CTIF: variants seen among roughly 807,000 people sequenced by gnomAD.
The protein encoded by CTIF is cap binding complex dependent translation initiation factor, also known as CBP80/20-dependent translation initiation factor.
Under a neutral mutation model 66.0 loss-of-function variants are expected in CTIF, and 21 were observed. That is an observed-to-expected ratio of 0.32 (90% CI 0.23 to 0.46). The LOEUF is 0.46. CTIF is among the 20% of genes least tolerant of loss of function. The probability of loss-of-function intolerance (pLI) is 1.00; values close to 1 mark genes in which losing one functional copy is unlikely to be tolerated. For missense variants in CTIF, 739 were observed against 812.7 expected (o/e 0.91, Z 1.10); for synonymous variants, 345 against 326.4 (o/e 1.06, Z -0.62).
At chr18:48,588,378 C>T (rs1447804182) in intron 1 of CTIF, among the ~76,000 whole-genome samples, 1 of 152,228 alleles carries the variant, frequency 6.6e-6, no homozygotes. Flanking sequence ...CTCAGGTGGC[C>T]CTGCCTGGCA....
At chr18:48,578,855 ATC>A (rs1568045477) in intron 1 of CTIF, among the ~76,000 whole-genome samples, 2 of 152,152 alleles carry the variant, frequency 1.3e-5, no homozygotes, top group Non-Finnish European at 2.9e-5. Context: ...AGTGCAATTT[ATC>A]TCTTTTACTT....
chr18:48,587,587 T>C (rs2089799927), intron 1 of CTIF, among the ~76,000 whole-genome samples: 1 of 152,158 alleles, frequency 6.6e-6, no homozygotes, highest in African/African-American at 2.4e-5. Context: ...CCTGGCTGTG[T>C]TACTAATGCA....
intron 7 of CTIF, among the ~76,000 whole-genome samples, chr18:48,724,706 G>A (rs965974766): frequency 6.6e-6 from 1 of 152,222 alleles, no homozygotes; most frequent in African/African-American, 2.4e-5. Context: ...CCTGAAGCAG[G>A]TGCGGCCACT....
At chr18:48,586,276 CTTTT>C (rs545720420) in intron 1 of CTIF, among the ~76,000 whole-genome samples, 2 of 138,472 alleles carry the variant, frequency 1.4e-5, no homozygotes. Flanking sequence ...CACACTTTTA[CTTTT>C]TTTTTTTTTT....
intron 7 of CTIF, among the ~76,000 whole-genome samples, chr18:48,732,611 G>T (rs2092466337): frequency 1.3e-5 from 2 of 152,196 alleles, no homozygotes; most frequent in Admixed American, 1.3e-4. Context: ...GTAAGAAGAG[G>T]TCTCTTTCTT....
At chr18:48,653,859 A>G (rs1362945108) in intron 3 of CTIF, among the ~76,000 whole-genome samples, 1 of 152,204 alleles carries the variant, frequency 6.6e-6, no homozygotes, top group Non-Finnish European at 1.5e-5. Flanking sequence ...AAACCTGACA[A>G]AAACAGGAAA....
chr18:48,730,193 G>A (rs576092311), intron 7 of CTIF, among the ~76,000 whole-genome samples: 5 of 149,616 alleles, frequency 3.3e-5, no homozygotes, highest in Admixed American at 6.6e-5. Context: ...GGGCCCCCGA[G>A]GTGTGAGGGG....
rs78250086 is a variant in CTIF, at chr18:48,638,212, G to A, written c.252+1527G>A. Among the ~76,000 whole-genome samples, 7 of 152,280 alleles carry A rather than the reference G, an allele frequency of 4.6e-5. No individual in the cohort carries two copies. In the East Asian group the frequency reaches 1.4e-3, roughly 29 times the overall value. ...AAAAGGAGATTCCCCTCACTCTTCAGCAGCAATGGTGAACTTGGATTTGGG... is the reference window on the plus strand; with the variant it reads ...AAAAGGAGATTCCCCTCACTCTTCAACAGCAATGGTGAACTTGGATTTGGG... On this transcript the variant is annotated intron_variant, in intron 3 of 11. Coordinates refer to ENST00000256413, the MANE Select transcript of CTIF (RefSeq NM_014772.3).
Position 48,681,994 on chromosome 18 carries a change from C to G in CTIF, c.507+11250C>G, listed in dbSNP as rs540564997. On this transcript the variant is annotated intron_variant, in intron 6 of 11. Coordinates refer to ENST00000256413, the MANE Select transcript of CTIF (RefSeq NM_014772.3). ...AGAGATGAGGTTTCACCATGTTGGC[C>G]AGGCTGGTCTTGAACTCCTGAGCTC... Among the ~76,000 whole-genome samples the G allele has an allele frequency of 2.6e-5, 4 of 152,224 alleles. No homozygotes were observed. In the East Asian group the frequency reaches 7.7e-4, roughly 29 times the overall value.
intron 9 of CTIF, among the ~76,000 whole-genome samples, chr18:48,798,187 G>A (rs1356764674): frequency 1.3e-5 from 2 of 152,178 alleles, no homozygotes; most frequent in African/African-American, 2.4e-5. Flanking sequence ...ATTTGTTAAC[G>A]TCATCTGGTA....
chr18:48,578,178 A>G (rs7227947), intron 1 of CTIF, among the ~76,000 whole-genome samples: 2,748 of 152,146 alleles, frequency 0.018, 76 homozygotes, highest in African/African-American at 0.064. Flanking sequence ...TCACTGAGTA[A>G]TGTTCCATTA....
intron 9 of CTIF, among the ~76,000 whole-genome samples, chr18:48,763,908 A>T (rs1331206004): frequency 2.0e-5 from 3 of 152,010 alleles, no homozygotes; most frequent in Non-Finnish European, 4.4e-5. Context: ...GTGGCTCCAT[A>T]GTAGGTCTGT....
At chr18:48,625,766 C>T (rs1247311181) in intron 2 of CTIF, among the ~76,000 whole-genome samples, 1 of 152,182 alleles carries the variant, frequency 6.6e-6, no homozygotes, top group African/African-American at 2.4e-5. Flanking sequence ...ATGGTAGGCA[C>T]TCAGGTTACT....
intron 6 of CTIF, chr18:48,683,285 C>T (rs2091778401): frequency 6.6e-6 from 1 of 151,782 alleles, no homozygotes; most frequent in Non-Finnish European, 1.5e-5. Flanking sequence ...AGGCTACATA[C>T]TGTGGTTGTG....
chr18:48,664,617 C>CCTGTGGAGGCA, intron 5 of CTIF, 66 bp downstream of exon 5: 2 of 1,364,750 alleles, frequency 1.5e-6, no homozygotes, highest in Non-Finnish European at 2.1e-6. Flanking sequence ...CCTTTGCCTC[C>CCTGTGGAGGCA]ACAGGGAGGC....
intron 1 of CTIF, among the ~76,000 whole-genome samples, chr18:48,575,897 CAATG>C (rs2089520863): frequency 6.6e-6 from 1 of 152,024 alleles, no homozygotes; most frequent in Admixed American, 6.5e-5. Context: ...AAGGCCTAGT[CAATG>C]AGAGTGCTTT....
intron 9 of CTIF, among the ~76,000 whole-genome samples, chr18:48,814,812 A>G (rs904795312): frequency 6.6e-6 from 1 of 152,180 alleles, no homozygotes; most frequent in African/African-American, 2.4e-5. Context: ...CTGGGCACGC[A>G]CTACTTGCGG....
chr18:48,757,655 T>C (rs917822571), intron 7 of CTIF, among the ~76,000 whole-genome samples: 6 of 152,214 alleles, frequency 3.9e-5, no homozygotes, highest in Non-Finnish European at 8.8e-5. Context: ...CATTCACACA[T>C]ATTCTAGTAA....
At chr18:48,805,409 G>A (rs1448550053) in intron 9 of CTIF, among the ~76,000 whole-genome samples, 12 of 141,278 alleles carry the variant, frequency 8.5e-5, no homozygotes, top group Non-Finnish European at 1.6e-4. Context: ...TGGTGGGGGG[G>A]ACCAAGGAGG....
Sources: allele counts gnomAD v4.1 joint callset (sites outside exome capture counted in the v4.1 genomes callset), GRCh38; gene constraint gnomAD v4.1.1; transcripts MANE v1.5; gene names NCBI Gene and HGNC (gene_info 2026-07-23, HGNC 2026-07-21).